Variants in MFHAS1 observed in about 807,000 individuals in gnomAD.
MFHAS1 encodes the protein malignant fibrous histiocytoma-amplified sequence 1.
In MFHAS1, 50 loss-of-function variants were observed where a neutral mutation model predicts 70.4. The ratio of observed to expected loss-of-function variants is 0.71; its 90% confidence interval spans 0.57 to 0.90. MFHAS1 has a LOEUF of 0.90. Ranked by LOEUF, MFHAS1 falls within the 40% of genes least tolerant of loss-of-function variation. The pLI is 0.00. For missense variants in MFHAS1, 1,795 were observed against 1,347.6 expected (o/e 1.33, Z -5.20); for synonymous variants, 952 against 620.0 (o/e 1.54, Z -7.96).
intron 1 of MFHAS1, among the ~76,000 whole-genome samples, chr8:8,801,530 T>G (rs3827810): frequency 0.14 from 20,749 of 152,168 alleles, 1,847 homozygotes; most frequent in Non-Finnish European, 0.2. Flanking sequence ...TTAAGAAACG[T>G]GCACAGTTCC....
rs759366959 is a variant in MFHAS1 at position 8,816,581 on chromosome 8, C to G, written c.2999-19090G>C. ...AATATTTATGATTATTTCATTTGTGCCTTACTGTATTGTTGGTAAAAGAAA... is the reference window on the plus strand; with the variant it reads ...AATATTTATGATTATTTCATTTGTGGCTTACTGTATTGTTGGTAAAAGAAA... On this transcript the variant is annotated intron_variant, in intron 1 of 2. Coordinates refer to ENST00000276282, the MANE Select transcript of MFHAS1 (RefSeq NM_004225.3). Among the ~76,000 whole-genome samples the G allele has an allele frequency of 2.0e-5, 3 of 152,158 alleles. No individual in the cohort carries two copies. The South Asian group carries it at 6.2e-4, about 31-fold the overall frequency.
chr8:8,847,304 C>A (rs1465561070), intron 1 of MFHAS1, among the ~76,000 whole-genome samples: 2 of 152,182 alleles, frequency 1.3e-5, no homozygotes, highest in African/African-American at 4.8e-5. Context: ...GCCTCAGTCT[C>A]CTGAGTAGCT....
At chr8:8,882,806 CAGA>C (rs749473689) in intron 1 of MFHAS1, among the ~76,000 whole-genome samples, 9 of 152,150 alleles carry the variant, frequency 5.9e-5, no homozygotes, top group African/African-American at 2.2e-4. Context: ...TGCCAGCCCC[CAGA>C]AGAAGGTAAA....
intron 2 of MFHAS1, among the ~76,000 whole-genome samples, chr8:8,788,034 TC>T (rs1396481241): frequency 6.6e-6 from 1 of 152,222 alleles, no homozygotes; most frequent in Non-Finnish European, 1.5e-5. Flanking sequence ...AAGTACGACT[TC>T]CTGGAACTTT....
chr8:8,834,278 C>A lies in MFHAS1; in HGVS notation c.2999-36787G>T, dbSNP rs1356851040. On this transcript the variant is annotated intron_variant, in intron 1 of 2. Coordinates refer to ENST00000276282, the MANE Select transcript of MFHAS1 (RefSeq NM_004225.3). ...CTATCACGGAGTGACATCATAGCCG[C>A]CATAACTCAATTTTTTAAAATAAAT... Among the ~76,000 whole-genome samples the A allele has an allele frequency of 5.3e-5, 8 of 152,254 alleles. No individual in the cohort carries two copies. In the East Asian group the frequency reaches 1.4e-3, roughly 26 times the overall value.
chr8:8,837,693 T>A (rs753555695), intron 1 of MFHAS1, among the ~76,000 whole-genome samples: 2 of 150,960 alleles, frequency 1.3e-5, no homozygotes, highest in South Asian at 4.2e-4. Flanking sequence ...CACTTATCAT[T>A]AGGAACATGC....
chr8:8,797,202 C>G (rs1805934648), intron 2 of MFHAS1, among the ~76,000 whole-genome samples, 163 bp downstream of exon 2: 2 of 150,918 alleles, frequency 1.3e-5, no homozygotes, highest in South Asian at 4.2e-4. Context: ...TCCTGTTTTG[C>G]TGCATAAATC....
At chr8:8,858,391 A>G (rs534630395) in intron 1 of MFHAS1, among the ~76,000 whole-genome samples, 23 of 152,298 alleles carry the variant, frequency 1.5e-4, no homozygotes, top group Admixed American at 1.4e-3. Flanking sequence ...TAATAAATGA[A>G]AGAAAATTTA....
intron 1 of MFHAS1, among the ~76,000 whole-genome samples, chr8:8,824,139 G>C (rs548151714): frequency 7.9e-5 from 12 of 151,488 alleles, no homozygotes; most frequent in Non-Finnish European, 1.8e-4. Context: ...TGACCAGTGG[G>C]GTCCTCTATG....
Position 8,892,814 on chromosome 8 carries a change from A to C in MFHAS1, c.245T>G (p.Leu82Arg). The C allele has an allele frequency of 6.3e-7, 1 of 1,590,398 alleles. No individual in the cohort carries two copies. Among genetic ancestry groups the C allele is most frequent in the Non-Finnish European group, 8.6e-7 (1 of 1,169,014 alleles). Residue 82 changes from leucine to arginine, a missense_variant, in exon 1 of 3, where the codon CTG becomes CGG. By Grantham distance (102) the Leu-to-Arg change is moderately radical (BLOSUM62 -2). Transcript: ENST00000276282. The surrounding 1 kb of genome is among the most constrained non-coding windows in gnomAD (Gnocchi z 4.7). The part of the protein sequence containing the change: ...NNGLEEVPEG[L>R]GSALGSLRVL... The stretch of plus-strand genomic sequence containing the variant: ...GCGCAGGCTGCCCAGCGCCGACCCC[A>C]GCCCCTCGGGTACCTCCTCCAGGCC...
intron 1 of MFHAS1, among the ~76,000 whole-genome samples, chr8:8,852,145 C>T (rs1808270048): frequency 1.3e-5 from 2 of 152,010 alleles, no homozygotes; most frequent in South Asian, 4.1e-4. Flanking sequence ...TTCAGGAGTG[C>T]CAAGCAAGGT....
intron 1 of MFHAS1, among the ~76,000 whole-genome samples, chr8:8,858,521 A>G (rs938325529): frequency 2.6e-5 from 4 of 152,180 alleles, no homozygotes; most frequent in Non-Finnish European, 4.4e-5. Flanking sequence ...TGTTACTGAA[A>G]ACGATTATGC....
At chr8:8,881,001 G>A (rs549579041) in intron 1 of MFHAS1, among the ~76,000 whole-genome samples, 2 of 152,000 alleles carry the variant, frequency 1.3e-5, no homozygotes, top group African/African-American at 2.4e-5. Flanking sequence ...TCCTAAGATG[G>A]GTGAAACAGG....
rs767048736 is a variant in MFHAS1 at position 8,891,395 on chromosome 8, T to C, written c.1664A>G (p.His555Arg). The C allele has an allele frequency of 6.2e-7, 1 of 1,612,126 alleles. No individual in the cohort carries two copies. The highest frequency in any genetic ancestry group is 1.3e-5 in the African/African-American group (1 of 74,904). ...CTTCTCCTGCAGGGCGATCTGGCGG[T>C]GAATGTCCAGACATTTCTCCTCCAG... ...RELEEKCLDIHRQIALQEKHD... is the reference protein window; with the variant it reads ...RELEEKCLDIRRQIALQEKHD... The change falls in exon 1 of 3, where the codon CAC becomes CGC. Residue 555 changes from histidine (H) to arginine (R), a missense_variant. His to Arg is a conservative substitution (Grantham distance 29). Coordinates refer to ENST00000276282, the MANE Select transcript of MFHAS1 (RefSeq NM_004225.3). This position sits in a 1 kb window ranked among gnomAD's most constrained non-coding sequence, Gnocchi z 5.4.
chr8:8,804,340 T>A (rs1009072461), intron 1 of MFHAS1, among the ~76,000 whole-genome samples: 2 of 152,176 alleles, frequency 1.3e-5, no homozygotes, highest in African/African-American at 2.4e-5. Context: ...TTTTCAGGCA[T>A]TTGTGGAATT....
At position 8,783,412 on chromosome 8, in the gene MFHAS1, A is replaced by G. The variant is rs1253597588; in HGVS notation, c.*2610T>C. ...CTTTTTTAATTTCTGCCCAGTTACA[A>G]CAACGAAATGGGAAACCACAATTAA... On this transcript the variant is annotated 3_prime_UTR_variant, in exon 3 of 3. Coordinates refer to ENST00000276282, the MANE Select transcript of MFHAS1 (RefSeq NM_004225.3). 2 of 152,228 alleles carry G rather than the reference A, an allele frequency of 1.3e-5. No homozygotes were observed. The highest frequency in any genetic ancestry group is 4.8e-5 in the African/African-American group (2 of 41,462). 9.4% of individuals were successfully genotyped at this position (152,228 alleles called of 1,614,324 possible).
intron 1 of MFHAS1, among the ~76,000 whole-genome samples, chr8:8,854,828 A>T (rs1037296230): frequency 2.0e-5 from 3 of 152,184 alleles, no homozygotes; most frequent in African/African-American, 7.2e-5. Context: ...CCCACCCATA[A>T]GCAACACTTT....
chr8:8,883,148 G>A (rs137910035), intron 1 of MFHAS1, among the ~76,000 whole-genome samples: 2,633 of 152,048 alleles, frequency 0.017, 70 homozygotes, highest in African/African-American at 0.06. Flanking sequence ...GCAAGACTCC[G>A]TCTCAAAACA....
intron 1 of MFHAS1, among the ~76,000 whole-genome samples, chr8:8,870,957 G>T (rs574449950): frequency 6.6e-6 from 1 of 152,282 alleles, no homozygotes; most frequent in East Asian, 1.9e-4. Context: ...GCGTCACTCT[G>T]TTGCCCAGGC....
Sources: allele counts gnomAD v4.1 joint callset (sites outside exome capture counted in the v4.1 genomes callset), GRCh38; gene constraint gnomAD v4.1.1; non-coding constraint Gnocchi (gnomAD v3.1); transcripts MANE v1.5; gene names NCBI Gene and HGNC (gene_info 2026-07-23, HGNC 2026-07-21).